BTBD16: variants seen among roughly 807,000 people sequenced by gnomAD.
The protein encoded by BTBD16 is BTB/POZ domain-containing protein 16.
A neutral mutation model predicts 67.4 loss-of-function variants in BTBD16; 66 were observed. The ratio of observed to expected loss-of-function variants is 0.98; its 90% confidence interval spans 0.80 to 1.20. The LOEUF (loss-of-function observed/expected upper bound fraction) is 1.20. Ranked by LOEUF, BTBD16 falls within the 50% of genes most tolerant of loss-of-function variation. The pLI is 0.00. For synonymous variants in BTBD16, 242 were observed against 236.4 expected (o/e 1.02, Z -0.22); for missense variants, 634 against 616.0 (o/e 1.03, Z -0.31).
intron 10 of BTBD16, among the ~76,000 whole-genome samples, chr10:122,326,433 C>A (rs1016837410): frequency 6.6e-6 from 1 of 152,172 alleles, no homozygotes; most frequent in African/African-American, 2.4e-5. Flanking sequence ...AATCATCCAG[C>A]ATTCACCCTT....
intron 13 of BTBD16, among the ~76,000 whole-genome samples, chr10:122,333,346 T>G (rs2096458115): frequency 6.6e-6 from 1 of 152,178 alleles, no homozygotes; most frequent in Admixed American, 6.6e-5. Flanking sequence ...TTCAAAGGTC[T>G]ATAGACCACA....
At chr10:122,323,255 A>T (rs2096438592) in intron 10 of BTBD16, among the ~76,000 whole-genome samples, 1 of 152,230 alleles carries the variant, frequency 6.6e-6, no homozygotes. Context: ...TGCACAAAGC[A>T]TGGGCTGGTT....
chr10:122,291,353 C>A, intron 7 of BTBD16, 159 bp downstream of exon 7: 1 of 860,146 alleles, frequency 1.2e-6, no homozygotes, highest in Non-Finnish European at 1.7e-6. Context: ...AACTGAGACA[C>A]TAATTCACAC....
In BTBD16 at chr10:122,289,973, C is replaced by T. The variant is rs2096370877; in HGVS notation, c.450C>T (p.Ile150=). ...AGAGGATCATCATTTCCTTGAAGATCAATGACCCACTGGTCACTAAAGTCG... is the reference window on the plus strand; with the variant it reads ...AGAGGATCATCATTTCCTTGAAGATTAATGACCCACTGGTCACTAAAGTCG... ...PAKRIIISLK[I]NDPLVTKVAF... Residue 150 remains isoleucine, a synonymous_variant, in exon 6 of 16, where the codon ATC becomes ATT. Transcript: ENST00000260723. 6.2e-7 allele frequency: 1 copy of T among 1,613,278 alleles called. No individual in the cohort carries two copies. Among genetic ancestry groups the T allele is most frequent in the Non-Finnish European group, 8.5e-7 (1 of 1,179,504 alleles).
At position 122,328,634 on chromosome 10, in the gene BTBD16, A is replaced by G. The variant is rs58049313; in HGVS notation, c.912-846A>G. 1,722 of 403,286 alleles carry G rather than the reference A, an allele frequency of 4.3e-3. 21 individuals carry two copies. The highest frequency in any genetic ancestry group is 0.033 in the African/African-American group (1,529 of 46,146). 25.0% of individuals were successfully genotyped at this position (403,286 alleles called of 1,614,324 possible). Reference sequence around the variant, plus strand: ...TTGATTTACGGAAAAATAATCTACAAGTACCCTGGGTGGGTCCTATGCAGG... The same window carrying G: ...TTGATTTACGGAAAAATAATCTACAGGTACCCTGGGTGGGTCCTATGCAGG... On this transcript the variant is annotated intron_variant, in intron 10 of 15. Coordinates refer to ENST00000260723, the MANE Select transcript of BTBD16 (RefSeq NM_144587.5).
intron 10 of BTBD16, among the ~76,000 whole-genome samples, chr10:122,318,747 G>A (rs993742868): frequency 3.3e-5 from 5 of 152,084 alleles, no homozygotes; most frequent in Admixed American, 1.3e-4. Flanking sequence ...CAACACGCCC[G>A]GCTAATTTTT....
chr10:122,337,229 C>T (rs182479977), intron 15 of BTBD16, among the ~76,000 whole-genome samples: 2 of 152,294 alleles, frequency 1.3e-5, no homozygotes, highest in South Asian at 2.1e-4. Context: ...CACCTGGGGG[C>T]CTTATAACTA....
intron 1 of BTBD16, among the ~76,000 whole-genome samples, chr10:122,273,767 T>C (rs1204917595): frequency 6.6e-6 from 1 of 152,140 alleles, no homozygotes; most frequent in African/African-American, 2.4e-5. Context: ...AAAAGTGATA[T>C]TATGCAGCTA....
intron 14 of BTBD16, among the ~76,000 whole-genome samples, 181 bp downstream of exon 14, chr10:122,335,160 T>C (rs566657771): frequency 1.0e-3 from 154 of 152,332 alleles, no homozygotes; most frequent in African/African-American, 3.6e-3. Context: ...CCTTGGGAAG[T>C]AGGTATTGGT....
rs141937724 is a variant in BTBD16, at chr10:122,291,089, C to T, written c.485C>T (p.Thr162Met). 3.8e-5 allele frequency: 62 copies of T among 1,610,688 alleles called. No individual in the cohort carries two copies. The highest frequency in any genetic ancestry group is 8.4e-5 in the Admixed American group (5 of 59,658). ...GGCTGTGCCTCCCCAGCCTTCGCCA[C>T]GGCCCTGAAGAACCTCTACATGAGT... ...DPLVTKVAFA[T>M]ALKNLYMSEV... The change falls in exon 7 of 16, where the codon ACG (threonine) becomes ATG (methionine). Residue 162 changes from threonine (T) to methionine (M), a missense_variant. Coordinates refer to ENST00000260723, the MANE Select transcript of BTBD16 (RefSeq NM_144587.5).
Position 122,280,990 on chromosome 10 carries a change from A to G in BTBD16, c.168-2861A>G, listed in dbSNP as rs189267292. ...CTGAATTTTTTATTTAATGTTTTGT[A>G]GAGATGGGGTCTCTCTATGTTGCCC... On this transcript the variant is annotated intron_variant, in intron 3 of 15. Coordinates refer to ENST00000260723, the MANE Select transcript of BTBD16 (RefSeq NM_144587.5). Among the ~76,000 whole-genome samples the G allele has an allele frequency of 4.1e-3, 624 of 152,188 alleles. 3 individuals are homozygous for G. The highest frequency in any genetic ancestry group is 6.2e-3 in the Non-Finnish European group (422 of 68,010).
At chr10:122,333,881 C>T (rs1270627533) in intron 13 of BTBD16, among the ~76,000 whole-genome samples, 1 of 152,030 alleles carries the variant, frequency 6.6e-6, no homozygotes, top group Non-Finnish European at 1.5e-5. Flanking sequence ...GAGGTAGCCT[C>T]CAGGGTTCAC....
chr10:122,312,313 T>C (rs1046626655), intron 10 of BTBD16, among the ~76,000 whole-genome samples: 3 of 25,172 alleles, frequency 1.2e-4, no homozygotes, highest in African/African-American at 4.6e-4. Context: ...CTTTTTCTTT[T>C]TTTTTTTTTT....
At chr10:122,303,573 A>G (rs529214897) in intron 9 of BTBD16, 14 of 289,006 alleles carry the variant, frequency 4.8e-5, no homozygotes, top group Non-Finnish European at 6.7e-5. Flanking sequence ...ATCCTTGTTC[A>G]TATCTTACTC....
At chr10:122,302,797 G>A (rs1370860566) in intron 9 of BTBD16, among the ~76,000 whole-genome samples, 1 of 152,124 alleles carries the variant, frequency 6.6e-6, no homozygotes, top group African/African-American at 2.4e-5. Flanking sequence ...GATTCCTATA[G>A]CAACCTAATG....
chr10:122,327,375 T>C (rs555074637), intron 10 of BTBD16: 2 of 152,800 alleles, frequency 1.3e-5, no homozygotes, highest in Admixed American at 6.5e-5. Context: ...GTGGTGCTTA[T>C]AGATGTTGAG....
rs373078375 is a variant in BTBD16, at chr10:122,338,123, G to A, written c.*38G>A. On this transcript the variant is annotated 3_prime_UTR_variant, in exon 16 of 16. Coordinates refer to ENST00000260723, the MANE Select transcript of BTBD16 (RefSeq NM_144587.5). The stretch of plus-strand genomic sequence containing the variant: ...GAATCTATGGGATTTTCCCCCCACT[G>A]GTCTGCATAAAAGAAAATAAAATGA... The A allele has an allele frequency of 2.7e-6, 4 of 1,469,276 alleles. No homozygotes were observed. Among genetic ancestry groups the A allele is most frequent in the Non-Finnish European group, 2.8e-6 (3 of 1,053,120 alleles). The allele number at this position is 1,469,276 out of a possible 1,614,324, so 91.0% of individuals were successfully genotyped here.
chr10:122,286,159 T>A lies in BTBD16; in HGVS notation c.296T>A (p.Phe99Tyr). ...TGGGAGCTCCATCAGCCCCAGCTTT[T>A]TCAGTCTGAGACCTTGGCCAAGCTC... ...FKWELHQPQL[F>Y]QSETLAKLYL... The change falls in exon 5 of 16, where the codon TTT (phenylalanine) becomes TAT (tyrosine). Residue 99 changes from phenylalanine (F) to tyrosine (Y), a missense_variant. Coordinates refer to ENST00000260723, the MANE Select transcript of BTBD16 (RefSeq NM_144587.5). 1 of 1,613,984 alleles carries A rather than the reference T, an allele frequency of 6.2e-7. No homozygotes were observed.
intron 13 of BTBD16, 34 bp from the exon 14 acceptor site, chr10:122,334,847 C>A: frequency 7.7e-7 from 1 of 1,303,388 alleles, no homozygotes; most frequent in South Asian, 1.2e-5. Flanking sequence ...ATATTTTCCC[C>A]CCTTCACTTT....
Sources: gnomAD v4.1 joint callset for allele counts (sites outside exome capture counted in the v4.1 genomes callset) on GRCh38, gnomAD v4.1.1 for gene constraint, MANE v1.5 for transcripts, NCBI Gene and HGNC (gene_info 2026-07-23, HGNC 2026-07-21) for gene names.